Variants in ZBBX observed in about 807,000 individuals in gnomAD.
ZBBX encodes zinc finger B-box domain-containing protein 1.
In ZBBX, 101 loss-of-function variants were observed where a neutral mutation model predicts 108.5. That is an observed-to-expected ratio of 0.93 (90% confidence interval 0.79 to 1.10). The LOEUF (loss-of-function observed/expected upper bound fraction) is 1.10, where lower values mean the gene tolerates loss of function less well. ZBBX is among the 50% of genes least tolerant of loss of function. The probability of loss-of-function intolerance (pLI) is 0.00; values close to 1 mark genes in which losing one functional copy is unlikely to be tolerated. For missense variants in ZBBX, 1,009 were observed against 941.4 expected, an observed-to-expected ratio of 1.07 and a Z score of -0.94; for synonymous variants, 356 against 323.4, an observed-to-expected ratio of 1.10 and a Z score of -1.08.
chr3:167,389,647 C>A (rs1748029839), intron 1 of ZBBX, among the ~76,000 whole-genome samples: 1 of 152,068 alleles, frequency 6.6e-6, no homozygotes. Context: ...TCTGTCATTT[C>A]CTGACTTTTT....
At chr3:167,263,478 T>C (rs1724940877) in intron 20 of ZBBX, among the ~76,000 whole-genome samples, 1 of 152,240 alleles carries the variant, frequency 6.6e-6, no homozygotes, top group African/African-American at 2.4e-5. Flanking sequence ...ATTTATACAT[T>C]GATACACTGG....
intron 20 of ZBBX, among the ~76,000 whole-genome samples, chr3:167,277,924 T>C (rs991455729): frequency 6.6e-6 from 1 of 151,356 alleles, no homozygotes; most frequent in African/African-American, 2.4e-5. Context: ...GCAATGAAAC[T>C]AGAACTCAGG....
the ZBBX span, among the ~76,000 whole-genome samples, chr3:167,214,944 GA>G: frequency 1.3e-5 from 2 of 151,988 alleles, no homozygotes; most frequent in African/African-American, 4.8e-5. Flanking sequence ...AAAATAATGA[GA>G]ACAAAAATAC....
At chr3:167,351,649 G>C (rs1322624996) in intron 8 of ZBBX, among the ~76,000 whole-genome samples, 1 of 152,152 alleles carries the variant, frequency 6.6e-6, no homozygotes, top group Non-Finnish European at 1.5e-5. Context: ...ATATCACACA[G>C]AGGAATGGCT....
intron 8 of ZBBX, among the ~76,000 whole-genome samples, chr3:167,350,866 T>G (rs1031093288): frequency 2.0e-5 from 3 of 152,140 alleles, no homozygotes; most frequent in African/African-American, 7.2e-5. Context: ...GTCAAACTTC[T>G]TGACCTGGTA....
intron 20 of ZBBX, among the ~76,000 whole-genome samples, chr3:167,260,926 A>G (rs891767413): frequency 6.6e-6 from 1 of 151,986 alleles, no homozygotes; most frequent in Non-Finnish European, 1.5e-5. Flanking sequence ...ATTACCAGGG[A>G]AGGTTTTCTG....
chr3:167,229,827 G>T, the ZBBX span, among the ~76,000 whole-genome samples: 1 of 151,730 alleles, frequency 6.6e-6, no homozygotes, highest in Non-Finnish European at 1.5e-5. Flanking sequence ...TTTAAACAAT[G>T]TTTTTCAAGG....
At chr3:167,335,161 A>G (rs1247446442) in intron 9 of ZBBX, among the ~76,000 whole-genome samples, 1 of 152,132 alleles carries the variant, frequency 6.6e-6, no homozygotes, top group African/African-American at 2.4e-5. Context: ...TCCTCATATC[A>G]CATAAGCTCA....
intron 10 of ZBBX, among the ~76,000 whole-genome samples, chr3:167,330,496 C>A (rs1738245089): frequency 6.6e-6 from 1 of 152,032 alleles, no homozygotes; most frequent in African/African-American, 2.4e-5. Context: ...CCCTAACCCC[C>A]AATGTGACTA....
At chr3:167,221,410 A>G in the ZBBX span, among the ~76,000 whole-genome samples, 1 of 151,938 alleles carries the variant, frequency 6.6e-6, no homozygotes, top group African/African-American at 2.4e-5. Context: ...AAGAACATAC[A>G]TGGGGAAAAG....
chr3:167,308,901 C>T (rs1734113299), intron 16 of ZBBX, among the ~76,000 whole-genome samples: 1 of 151,988 alleles, frequency 6.6e-6, no homozygotes, highest in African/African-American at 2.4e-5. Context: ...ACCCCCATGA[C>T]ACAAGTTTAC....
At chr3:167,233,644 C>T in the ZBBX span, among the ~76,000 whole-genome samples, 3 of 151,758 alleles carry the variant, frequency 2.0e-5, no homozygotes, top group African/African-American at 7.3e-5. Flanking sequence ...ACCATAACCC[C>T]CCTTTAAGTA....
chr3:167,205,488 T>C, the ZBBX span, among the ~76,000 whole-genome samples: 126 of 152,316 alleles, frequency 8.3e-4, no homozygotes, highest in Admixed American at 1.7e-3. Flanking sequence ...CTGGGTCATG[T>C]GTTAAATGGG....
intron 4 of ZBBX, among the ~76,000 whole-genome samples, chr3:167,371,597 CTTAA>C (rs756568149): frequency 2.6e-5 from 4 of 152,144 alleles, no homozygotes; most frequent in Admixed American, 6.5e-5. Context: ...AAAATGCACA[CTTAA>C]TTAATGTTTG....
At chr3:167,186,580 T>C in the ZBBX span, among the ~76,000 whole-genome samples, 4 of 152,198 alleles carry the variant, frequency 2.6e-5, no homozygotes, top group East Asian at 7.7e-4. Context: ...ACTCCCAAGG[T>C]ACCTGCAACT....
the ZBBX span, among the ~76,000 whole-genome samples, chr3:167,194,755 A>G: frequency 6.6e-6 from 1 of 152,172 alleles, no homozygotes; most frequent in East Asian, 1.9e-4. Flanking sequence ...CAGAGCCACC[A>G]GGACTTATCC....
At chr3:167,386,201 C>A (rs1424750672) in intron 1 of ZBBX, among the ~76,000 whole-genome samples, 1 of 151,878 alleles carries the variant, frequency 6.6e-6, no homozygotes, top group Non-Finnish European at 1.5e-5. Context: ...GAGAAGGAAG[C>A]AAAGATGAGA....
the ZBBX span, among the ~76,000 whole-genome samples, chr3:167,187,065 A>G: frequency 6.6e-6 from 1 of 152,180 alleles, no homozygotes; most frequent in South Asian, 2.1e-4. Context: ...TATTTTGCAG[A>G]GTAAAAAATT....
chr3:167,355,542 T>TATATCTATATACATAGATATATATATCC (rs1743414480), intron 8 of ZBBX, among the ~76,000 whole-genome samples: 1 of 151,692 alleles, frequency 6.6e-6, no homozygotes, highest in African/African-American at 2.4e-5. Context: ...TACATATATC[T>TATATCTATATACATAGATATATATATCC]ATATCTATAT....
Sources: gnomAD v4.1 joint callset for allele counts (sites outside exome capture counted in the v4.1 genomes callset) on GRCh38, gnomAD v4.1.1 for gene constraint, MANE v1.5 for transcripts, NCBI Gene and HGNC (gene_info 2026-07-23, HGNC 2026-07-21) for gene names.